Variants in ADD3 observed in about 807,000 individuals in gnomAD.
ADD3 encodes the protein gamma-adducin.
ADD3 carries 25 observed loss-of-function variants against 80.2 expected under a neutral mutation model. The ratio of observed to expected loss-of-function variants is 0.31; its 90% CI spans 0.23 to 0.44. The LOEUF (loss-of-function observed/expected upper bound fraction) is 0.44, where lower values mean the gene tolerates loss of function less well. Ranked by LOEUF, ADD3 falls within the 20% of genes least tolerant of loss-of-function variation. ADD3 has a pLI of 1.00. For synonymous variants in ADD3, 284 were observed against 289.6 expected (o/e 0.98, Z 0.20); for missense variants, 829 against 847.5 (o/e 0.98, Z 0.27).
intron 1 of ADD3, among the ~76,000 whole-genome samples, chr10:110,059,184 C>G (rs970047065): frequency 1.3e-5 from 1 of 78,090 alleles, no homozygotes; most frequent in African/African-American, 2.6e-5. Flanking sequence ...AAAGATCACC[C>G]ATACAGGCCG....
chr10:110,067,426 C>T (rs1844101148), intron 1 of ADD3, among the ~76,000 whole-genome samples: 2 of 152,140 alleles, frequency 1.3e-5, no homozygotes, highest in Admixed American at 1.3e-4. Flanking sequence ...CTTCCCTCCA[C>T]CTCCCCTTTT....
chr10:110,131,978 T>C (rs1374101033), intron 13 of ADD3, among the ~76,000 whole-genome samples: 1 of 152,234 alleles, frequency 6.6e-6, no homozygotes, highest in East Asian at 1.9e-4. Flanking sequence ...TTTATAATTT[T>C]TTTCATCTGT....
At chr10:110,097,324 A>G (rs978014850) in intron 1 of ADD3, among the ~76,000 whole-genome samples, 4 of 152,200 alleles carry the variant, frequency 2.6e-5, no homozygotes, top group African/African-American at 7.2e-5. Context: ...TGAGGAAAGA[A>G]CATGGTATAC....
intron 8 of ADD3, among the ~76,000 whole-genome samples, chr10:110,121,309 C>T (rs1590215196): frequency 6.6e-6 from 1 of 151,992 alleles, no homozygotes; most frequent in South Asian, 2.1e-4. Flanking sequence ...CATGGAGAAA[C>T]CCCGTCTGTA....
intron 2 of ADD3, among the ~76,000 whole-genome samples, chr10:110,111,140 C>G (rs192978590): frequency 6.6e-6 from 1 of 152,186 alleles, no homozygotes; most frequent in African/African-American, 2.4e-5. Context: ...GAAGTTTTCT[C>G]CATTATCTCC....
chr10:110,023,362 G>A (rs1853910331), intron 1 of ADD3, among the ~76,000 whole-genome samples: 1 of 152,148 alleles, frequency 6.6e-6, no homozygotes, highest in Non-Finnish European at 1.5e-5. Flanking sequence ...CTTGATCTTA[G>A]ACTTCCCAGG....
intron 1 of ADD3, among the ~76,000 whole-genome samples, chr10:110,013,101 T>TTTTTG (rs1053865926): frequency 2.0e-5 from 3 of 151,878 alleles, no homozygotes; most frequent in Non-Finnish European, 4.4e-5. Flanking sequence ...GATTTTTAGG[T>TTTTTG]TTTTGTTTTG....
At chr10:110,116,208 G>T (rs776507346) in intron 3 of ADD3, 51 bp from the exon 4 acceptor site, 2 of 1,594,468 alleles carry the variant, frequency 1.3e-6, no homozygotes, top group South Asian at 2.3e-5. Context: ...CTAATTTCCA[G>T]GTAAGGGATT....
chr10:110,066,663 A>G (rs115866411), intron 1 of ADD3, among the ~76,000 whole-genome samples: 2,187 of 152,096 alleles, frequency 0.014, 49 homozygotes, highest in African/African-American at 0.049. Flanking sequence ...GTAACTCCCC[A>G]TCTTTTAGAA....
At chr10:110,026,657 T>C (rs1276094513) in intron 1 of ADD3, among the ~76,000 whole-genome samples, 1 of 152,218 alleles carries the variant, frequency 6.6e-6, no homozygotes, top group Non-Finnish European at 1.5e-5. Context: ...TTTAATGTTT[T>C]ACATTGGTTT....
At chr10:110,068,992 A>G (rs1370893527) in intron 1 of ADD3, among the ~76,000 whole-genome samples, 2 of 151,920 alleles carry the variant, frequency 1.3e-5, no homozygotes, top group African/African-American at 4.8e-5. Context: ...TGGGAGGATT[A>G]TTTGAGCCCG....
intron 1 of ADD3, among the ~76,000 whole-genome samples, chr10:110,049,055 A>G (rs975331198): frequency 6.6e-6 from 1 of 152,152 alleles, no homozygotes; most frequent in Non-Finnish European, 1.5e-5. Context: ...TTGTGTCCCA[A>G]TCACTCTAGC....
chr10:110,115,080 TAAAAA>T (rs752916695), intron 3 of ADD3, among the ~76,000 whole-genome samples: 19 of 84,912 alleles, frequency 2.2e-4, no homozygotes, highest in Non-Finnish European at 3.4e-4. Context: ...CCCCTGCCTC[TAAAAA>T]AAAAAAAAAA....
At chr10:110,005,156 G>A (rs1254492861), upstream of ADD3, among the ~76,000 whole-genome samples, 10 of 151,978 alleles carry the variant, frequency 6.6e-5, no homozygotes, top group South Asian at 2.1e-4. Context: ...TCCGCCTCCC[G>A]GGTTCAAGCA....
chr10:110,042,023 A>T (rs1856426954), intron 1 of ADD3, among the ~76,000 whole-genome samples: 1 of 152,234 alleles, frequency 6.6e-6, no homozygotes, highest in East Asian at 1.9e-4. Context: ...GTATTAAGAA[A>T]TTCCTTTTCC....
chr10:110,127,632 A>T (rs939694579), intron 12 of ADD3, among the ~76,000 whole-genome samples: 2 of 152,242 alleles, frequency 1.3e-5, no homozygotes, highest in African/African-American at 2.4e-5. Flanking sequence ...TAAGAATAAC[A>T]TAAAATCTGT....
At chr10:110,112,992 T>C in intron 3 of ADD3, 77 bp downstream of exon 3, 1 of 1,486,160 alleles carries the variant, frequency 6.7e-7, no homozygotes, top group Non-Finnish European at 9.2e-7. Context: ...TAGCAGCATA[T>C]TCTGCTCGGG....
At chr10:110,037,283 G>A (rs888416345) in intron 1 of ADD3, among the ~76,000 whole-genome samples, 1 of 152,176 alleles carries the variant, frequency 6.6e-6, no homozygotes, top group African/African-American at 2.4e-5. Flanking sequence ...ACACAGTCAC[G>A]TAGTGACTAG....
At chr10:110,001,319 G>A (rs1468477170), upstream of ADD3, among the ~76,000 whole-genome samples, 6 of 151,928 alleles carry the variant, frequency 3.9e-5, no homozygotes, top group Non-Finnish European at 7.4e-5. Context: ...GAAGGCTGAG[G>A]TGGGAGGATC....
Sources: gnomAD v4.1 joint callset for allele counts (sites outside exome capture counted in the v4.1 genomes callset) on GRCh38, gnomAD v4.1.1 for gene constraint, MANE v1.5 for transcripts, NCBI Gene and HGNC (gene_info 2026-07-23, HGNC 2026-07-21) for gene names.